ZNF804A: variants seen among roughly 807,000 people sequenced by gnomAD.
ZNF804A encodes zinc finger protein 804A.
In ZNF804A, 2 loss-of-function variants were observed where a neutral mutation model predicts 16.5. That is an observed-to-expected ratio of 0.12 (90% CI 0.05 to 0.38). The LOEUF is 0.38. Ranked by LOEUF, ZNF804A falls within the 10% of genes least tolerant of loss-of-function variation. The pLI, the probability that ZNF804A is intolerant of heterozygous loss-of-function variation, is 0.99. For missense variants in ZNF804A, 1,473 were observed against 1,390.7 expected, an observed-to-expected ratio of 1.06 and a Z score of -0.94; for synonymous variants, 534 against 489.6, an observed-to-expected ratio of 1.09 and a Z score of -1.20.
At chr2:184,770,929 G>C (rs1383202764) in intron 1 of ZNF804A, among the ~76,000 whole-genome samples, 1 of 151,950 alleles carries the variant, frequency 6.6e-6, no homozygotes, top group Non-Finnish European at 1.5e-5. Context: ...GTGTGTGTTT[G>C]TGTATATTTC....
chr2:184,867,851 C>T (rs17509608), intron 2 of ZNF804A, among the ~76,000 whole-genome samples: 14,656 of 151,966 alleles, frequency 0.096, 961 homozygotes, highest in South Asian at 0.16. Flanking sequence ...CTGATTTTTC[C>T]TATGTATCTA....
chr2:184,690,595 C>G (rs111561203), intron 1 of ZNF804A, among the ~76,000 whole-genome samples: 210 of 152,104 alleles, frequency 1.4e-3, no homozygotes, highest in African/African-American at 4.8e-3. Context: ...TTACTGAAAT[C>G]AAGAGAGGGG....
intron 2 of ZNF804A, among the ~76,000 whole-genome samples, chr2:184,913,492 T>C (rs1481902827): frequency 1.3e-5 from 2 of 152,120 alleles, no homozygotes; most frequent in Non-Finnish European, 2.9e-5. Flanking sequence ...TCTGTGAATG[T>C]CTTAATTTTT....
chr2:184,766,062 G>A (rs1313408972), intron 1 of ZNF804A, among the ~76,000 whole-genome samples: 1 of 151,928 alleles, frequency 6.6e-6, no homozygotes. Flanking sequence ...AAGAAAAAAT[G>A]GTTATTAATT....
intron 2 of ZNF804A, among the ~76,000 whole-genome samples, chr2:184,895,235 TGTGAGA>T (rs1225696974): frequency 6.6e-6 from 1 of 151,860 alleles, no homozygotes; most frequent in Non-Finnish European, 1.5e-5. Context: ...GGTGTGTGTG[TGTGAGA>T]GAGAGAGAGA....
intron 1 of ZNF804A, among the ~76,000 whole-genome samples, chr2:184,715,078 C>T (rs1202816210): frequency 6.6e-6 from 1 of 152,070 alleles, no homozygotes. Flanking sequence ...CGAGAGTAGC[C>T]TAAGGAAAAT....
chr2:184,746,656 C>T (rs1693794197), intron 1 of ZNF804A, among the ~76,000 whole-genome samples: 1 of 151,306 alleles, frequency 6.6e-6, no homozygotes, highest in Admixed American at 6.6e-5. Flanking sequence ...TTCTATCTAA[C>T]TATATTTTTA....
intron 3 of ZNF804A, among the ~76,000 whole-genome samples, chr2:184,934,741 T>A (rs1685757561): frequency 6.6e-6 from 1 of 152,108 alleles, no homozygotes; most frequent in African/African-American, 2.4e-5. Context: ...AATAATGATA[T>A]ACACAAAAAG....
At chr2:184,785,819 A>G (rs189317395) in intron 1 of ZNF804A, among the ~76,000 whole-genome samples, 3 of 152,102 alleles carry the variant, frequency 2.0e-5, no homozygotes. Flanking sequence ...GTACACATTG[A>G]TTATACTGGA....
At chr2:184,736,928 A>G (rs963408290) in intron 1 of ZNF804A, among the ~76,000 whole-genome samples, 1 of 149,932 alleles carries the variant, frequency 6.7e-6, no homozygotes, top group Non-Finnish European at 1.5e-5. Flanking sequence ...GGTGGTATTT[A>G]TGAACATTCT....
intron 1 of ZNF804A, among the ~76,000 whole-genome samples, chr2:184,607,176 G>C (rs1297845438): frequency 2.0e-5 from 3 of 152,096 alleles, no homozygotes; most frequent in Non-Finnish European, 4.4e-5. Context: ...ATGTAAAATG[G>C]AGTTATTCTT....
intron 1 of ZNF804A, among the ~76,000 whole-genome samples, chr2:184,806,478 G>A (rs1694805818): frequency 6.6e-6 from 1 of 151,722 alleles, no homozygotes; most frequent in Non-Finnish European, 1.5e-5. Context: ...ATTATTTATG[G>A]TTTGATAGGT....
At chr2:184,680,474 T>C (rs1394770748) in intron 1 of ZNF804A, among the ~76,000 whole-genome samples, 1 of 152,226 alleles carries the variant, frequency 6.6e-6, no homozygotes, top group Non-Finnish European at 1.5e-5. Context: ...TCCTCACTGC[T>C]GAGATCTGAA....
rs543930247 is a variant in ZNF804A, at chr2:184,693,808, C to G, written c.111+94738C>G. Reference sequence around the variant, plus strand: ...ATTCTCGCTTTGCTCCATATAATGTCAGCTTGGCGTCAGTGAACATCAGCA... The same window carrying G: ...ATTCTCGCTTTGCTCCATATAATGTGAGCTTGGCGTCAGTGAACATCAGCA... On this transcript the variant is annotated intron_variant, in intron 1 of 3. Coordinates refer to ENST00000302277, the MANE Select transcript of ZNF804A (RefSeq NM_194250.2). Among the ~76,000 whole-genome samples, 6 of 151,474 alleles carry G rather than the reference C, an allele frequency of 4.0e-5. No homozygotes were observed. The South Asian group carries it at 1.2e-3, about 32-fold the overall frequency.
intron 1 of ZNF804A, among the ~76,000 whole-genome samples, chr2:184,769,715 T>C (rs1377647449): frequency 6.6e-6 from 1 of 152,028 alleles, no homozygotes; most frequent in Non-Finnish European, 1.5e-5. Context: ...AAAGCCATGA[T>C]AGCCCAGAGA....
intron 1 of ZNF804A, among the ~76,000 whole-genome samples, chr2:184,667,031 C>G (rs1692265694): frequency 6.6e-6 from 1 of 151,834 alleles, no homozygotes; most frequent in Admixed American, 6.6e-5. Flanking sequence ...TATAGAAAGG[C>G]AAATAATCCA....
chr2:184,687,357 C>A (rs1307902509), intron 1 of ZNF804A, among the ~76,000 whole-genome samples: 1 of 152,116 alleles, frequency 6.6e-6, no homozygotes, highest in African/African-American at 2.4e-5. Context: ...TGGAAGATGT[C>A]AAAGATCAGT....
intron 1 of ZNF804A, among the ~76,000 whole-genome samples, chr2:184,837,311 T>C (rs1695367956): frequency 6.6e-6 from 1 of 152,208 alleles, no homozygotes; most frequent in Non-Finnish European, 1.5e-5. Context: ...GCCACCTCTC[T>C]TCAGGCTAAT....
At chr2:184,810,390 G>T (rs1342415296) in intron 1 of ZNF804A, among the ~76,000 whole-genome samples, 1 of 148,522 alleles carries the variant, frequency 6.7e-6, no homozygotes, top group African/African-American at 2.5e-5. Flanking sequence ...ACAGAATCAT[G>T]TACTTATTTT....
Sources: allele counts gnomAD v4.1 joint callset (sites outside exome capture counted in the v4.1 genomes callset), GRCh38; gene constraint gnomAD v4.1.1; transcripts MANE v1.5; gene names NCBI Gene and HGNC (gene_info 2026-07-23, HGNC 2026-07-21).